The following WWTR1 variants were observed in gnomAD, a reference collection of about 807,000 sequenced individuals.
WWTR1 encodes the protein WW domain-containing transcription regulator protein 1.
WWTR1 carries 13 observed loss-of-function variants against 40.1 expected under a neutral mutation model. The ratio of observed to expected loss-of-function variants is 0.32; its 90% CI spans 0.21 to 0.52. The LOEUF is 0.52. Ranked by LOEUF, WWTR1 falls within the 20% of genes least tolerant of loss-of-function variation. The pLI, the probability that WWTR1 is intolerant of heterozygous loss-of-function variation, is 0.97. For synonymous variants in WWTR1, 230 were observed against 210.1 expected, an observed-to-expected ratio of 1.09 and a Z score of -0.82; for missense variants, 436 against 523.1, an observed-to-expected ratio of 0.83 and a Z score of 1.63.
intron 2 of WWTR1, among the ~76,000 whole-genome samples, chr3:149,617,233 A>G (rs779601116): frequency 6.6e-6 from 1 of 152,158 alleles, no homozygotes; most frequent in Admixed American, 6.6e-5. Context: ...CATGATGAGC[A>G]GAAGGAAAAA....
At chr3:149,526,614 A>G (rs1735327968) in intron 5 of WWTR1, among the ~76,000 whole-genome samples, 1 of 152,242 alleles carries the variant, frequency 6.6e-6, no homozygotes. Flanking sequence ...TTTGTTAAAA[A>G]GTAAGATTAA....
At position 149,571,921 on chromosome 3, in the gene WWTR1, T is replaced by C. The variant is rs1737650261; in HGVS notation, c.568+943A>G. 2.6e-5 allele frequency among the ~76,000 whole-genome samples: 4 copies of C among 152,312 alleles called. No individual in the cohort carries two copies. In the South Asian group the frequency reaches 8.3e-4, roughly 32 times the overall value. Reference sequence around the variant, plus strand: ...AATGATTACCAAAAAAGCTGACTGGTTCCGTTGCTGCAGTGTATTAATTCA... The same window carrying C: ...AATGATTACCAAAAAAGCTGACTGGCTCCGTTGCTGCAGTGTATTAATTCA... On this transcript the variant is annotated intron_variant, in intron 3 of 6. Coordinates refer to ENST00000360632, the MANE Select transcript of WWTR1 (RefSeq NM_015472.6).
At chr3:149,699,562 G>C (rs930941662) in intron 1 of WWTR1, among the ~76,000 whole-genome samples, 1 of 152,096 alleles carries the variant, frequency 6.6e-6, no homozygotes, top group Middle Eastern at 3.4e-3. Context: ...CAAAGTGCTG[G>C]GATTACAGGC....
intron 2 of WWTR1, among the ~76,000 whole-genome samples, chr3:149,585,840 A>T (rs1738395380): frequency 6.6e-6 from 1 of 152,234 alleles, no homozygotes; most frequent in Non-Finnish European, 1.5e-5. Flanking sequence ...TAATTTTTCT[A>T]ATAATTTACA....
intron 2 of WWTR1, among the ~76,000 whole-genome samples, chr3:149,628,617 G>A (rs1341291943): frequency 6.6e-6 from 1 of 152,104 alleles, no homozygotes; most frequent in Non-Finnish European, 1.5e-5. Flanking sequence ...AGCTTTTGAA[G>A]GTTAGGGAAA....
chr3:149,695,345 G>C (rs1157400924), intron 1 of WWTR1, among the ~76,000 whole-genome samples: 1 of 152,122 alleles, frequency 6.6e-6, no homozygotes, highest in African/African-American at 2.4e-5. Flanking sequence ...ATAAAAGCTT[G>C]AGGTGATGAT....
intron 3 of WWTR1, among the ~76,000 whole-genome samples, chr3:149,544,892 T>G (rs912857713): frequency 6.6e-6 from 1 of 152,180 alleles, no homozygotes; most frequent in African/African-American, 2.4e-5. Context: ...CCCAATAACA[T>G]GCTAGTAAAA....
chr3:149,711,553 C>T (rs1403732570), intron 5 of WWTR1, among the ~76,000 whole-genome samples: 1 of 152,132 alleles, frequency 6.6e-6, no homozygotes, highest in Non-Finnish European at 1.5e-5. Flanking sequence ...TCACTAGTTT[C>T]TCCATTTGGC....
chr3:149,714,036 C>T (rs1314085291), intron 5 of WWTR1, among the ~76,000 whole-genome samples: 1 of 152,226 alleles, frequency 6.6e-6, no homozygotes, highest in East Asian at 1.9e-4. Context: ...CTCTGGCAGC[C>T]GCCGTGATGG....
At chr3:149,721,731 G>A (rs1457033129) in intron 4 of WWTR1, among the ~76,000 whole-genome samples, 2 of 151,994 alleles carry the variant, frequency 1.3e-5, no homozygotes, top group Non-Finnish European at 2.9e-5. Flanking sequence ...CAGATCCAGG[G>A]CTTTTCTTTT....
Position 149,572,958 on chromosome 3 carries a change from C to T in WWTR1, c.474G>A (p.Ala158=). Residue 158 remains alanine, a synonymous_variant, in exon 3 of 7, where the codon GCG becomes GCA. Coordinates refer to ENST00000360632, the MANE Select transcript of WWTR1 (RefSeq NM_015472.6). ...TCATATGATTCAGAGGCTGATTCAT[C>T]GCCTTCCTAGGGTCTTGCCATGTGG... ...KITTWQDPRK[A]MNQPLNHMNL... The T allele has an allele frequency of 3.7e-6, 6 of 1,612,806 alleles. No homozygotes were observed. The highest frequency in any genetic ancestry group is 2.2e-5 in the East Asian group (1 of 44,852).
At chr3:149,674,606 A>G (rs924057730) in intron 1 of WWTR1, among the ~76,000 whole-genome samples, 2 of 152,026 alleles carry the variant, frequency 1.3e-5, no homozygotes, top group Admixed American at 1.3e-4. Flanking sequence ...AAGAATTTGT[A>G]TGAAACTTAA....
intron 1 of WWTR1, 128 bp from the exon 2 acceptor site, chr3:149,657,437 T>C: frequency 9.0e-7 from 1 of 1,115,586 alleles, no homozygotes; most frequent in East Asian, 2.6e-5. Context: ...GACAGATAAT[T>C]GCCCGCCTGG....
intron 3 of WWTR1, among the ~76,000 whole-genome samples, chr3:149,562,131 C>T (rs1313430411): frequency 6.6e-6 from 1 of 152,020 alleles, no homozygotes; most frequent in Admixed American, 6.6e-5. Flanking sequence ...CCTGTCTCTA[C>T]TAAAAATACA....
At chr3:149,684,627 G>A (rs1011650080) in intron 1 of WWTR1, among the ~76,000 whole-genome samples, 36 of 151,574 alleles carry the variant, frequency 2.4e-4, no homozygotes, top group Admixed American at 2.1e-3. Flanking sequence ...GCCATGGGGC[G>A]ATCCTGGCTC....
intron 2 of WWTR1, among the ~76,000 whole-genome samples, chr3:149,654,220 G>T (rs1439566148): frequency 6.6e-6 from 1 of 152,124 alleles, no homozygotes; most frequent in African/African-American, 2.4e-5. Context: ...CTCCAAGTGA[G>T]TCACCATCAT....
Position 149,638,031 on chromosome 3 carries a change from T to C in WWTR1, c.431+18845A>G, listed in dbSNP as rs373478807. 1.6e-4 allele frequency among the ~76,000 whole-genome samples: 24 copies of C among 151,996 alleles called. No individual in the cohort carries two copies. In the East Asian group the frequency reaches 2.5e-3, roughly 16 times the overall value. ...AGGAGTTCAAGACCAGCCTGACCAA[T>C]ATGGTGAAACCCCGTCTCTACTAAA... On this transcript the variant is annotated intron_variant, in intron 2 of 6. Transcript: ENST00000360632.
chr3:149,679,122 C>T (rs113400252), intron 1 of WWTR1, among the ~76,000 whole-genome samples: 4,846 of 152,216 alleles, frequency 0.032, 161 homozygotes, highest in East Asian at 0.13. Context: ...TGAGCCACTG[C>T]GCCTGGCCCA....
chr3:149,644,079 T>C (rs1712346208), intron 2 of WWTR1, among the ~76,000 whole-genome samples: 1 of 152,184 alleles, frequency 6.6e-6, no homozygotes, highest in Non-Finnish European at 1.5e-5. Flanking sequence ...AAACTCAATA[T>C]GTTAAATAAT....
Sources: gnomAD v4.1 joint callset for allele counts (sites outside exome capture counted in the v4.1 genomes callset) on GRCh38, gnomAD v4.1.1 for gene constraint, MANE v1.5 for transcripts, NCBI Gene and HGNC (gene_info 2026-07-23, HGNC 2026-07-21) for gene names.